Variants in RAD50 observed in about 807,000 individuals in gnomAD.
RAD50 encodes RAD50 double strand break repair protein.
In RAD50, 132 loss-of-function variants were observed where a neutral mutation model predicts 168.8. The observed-to-expected ratio is 0.78, with a 90% CI of 0.68 to 0.90. RAD50 has a LOEUF of 0.90. Ranked by LOEUF, RAD50 falls within the 40% of genes least tolerant of loss-of-function variation. The probability of loss-of-function intolerance (pLI) is 0.00; values close to 1 mark genes in which losing one functional copy is unlikely to be tolerated. For synonymous variants in RAD50, 525 were observed against 497.4 expected, an observed-to-expected ratio of 1.06 and a Z score of -0.74; for missense variants, 1,347 against 1,534.4, an observed-to-expected ratio of 0.88 and a Z score of 2.04.
At position 132,592,012 on chromosome 5, in the gene RAD50, AG is replaced by A. The variant is rs757261714; in HGVS notation, c.1774del (p.Asp592ThrfsTer6). Reference sequence around the variant, plus strand: ...TAAATCAAAAGAAATTAATCAGACCAGGGACAGACTTGCCAAATTGAAGTAA... The same window carrying A: ...TAAATCAAAAGAAATTAATCAGACCAGGACAGACTTGCCAAATTGAAGTAA... ...HSKSKEINQTRDRLAKLNKEL... is the reference protein window; with the variant it reads ...HSKSKEINQTXDRLAKLNKEL... On this transcript the variant is annotated frameshift_variant, in exon 11 of 25. Coordinates refer to ENST00000378823, the MANE Select transcript of RAD50 (RefSeq NM_005732.4). LOFTEE classifies it high-confidence loss of function. 1 of 1,613,052 alleles carries A rather than the reference AG, an allele frequency of 6.2e-7. No homozygotes were observed. The highest frequency in any genetic ancestry group is 1.3e-5 in the African/African-American group (1 of 74,900).
chr5:132,629,149 T>C (rs890543747), intron 21 of RAD50, among the ~76,000 whole-genome samples: 1 of 152,134 alleles, frequency 6.6e-6, no homozygotes, highest in African/African-American at 2.4e-5. Flanking sequence ...GCAGCAGGAA[T>C]AAGAATTCCC....
intron 13 of RAD50, among the ~76,000 whole-genome samples, chr5:132,602,260 T>A (rs1333564790): frequency 6.6e-6 from 1 of 152,218 alleles, no homozygotes; most frequent in Non-Finnish European, 1.5e-5. Context: ...TGGTTATTCT[T>A]TAAGTTTATA....
intron 2 of RAD50, among the ~76,000 whole-genome samples, chr5:132,574,809 G>T (rs772819030): frequency 1.3e-5 from 2 of 152,136 alleles, no homozygotes; most frequent in Non-Finnish European, 2.9e-5. Flanking sequence ...TAGGGCAGGG[G>T]CAAAATGCTG....
At chr5:132,603,022 T>G (rs1750915152) in intron 13 of RAD50, among the ~76,000 whole-genome samples, 1 of 152,218 alleles carries the variant, frequency 6.6e-6, no homozygotes, top group African/African-American at 2.4e-5. Context: ...GATATTTACA[T>G]AGTCTCAACA....
chr5:132,589,501 A>G, intron 8 of RAD50, 130 bp from the exon 9 acceptor site: 1 of 689,492 alleles, frequency 1.5e-6, no homozygotes, highest in Non-Finnish European at 2.4e-6. Context: ...TTCTTGGAAT[A>G]TATCCCTGCT....
intron 3 of RAD50, 63 bp from the exon 4 acceptor site, chr5:132,579,254 A>G: frequency 6.6e-7 from 1 of 1,509,754 alleles, no homozygotes. Flanking sequence ...TGAATTGATT[A>G]AGCAATAGAA....
chr5:132,621,939 C>T (rs1429599107), intron 21 of RAD50, among the ~76,000 whole-genome samples: 1 of 151,984 alleles, frequency 6.6e-6, no homozygotes, highest in Non-Finnish European at 1.5e-5. Flanking sequence ...ATTATTCTTT[C>T]TCCATTTCTC....
intron 13 of RAD50, among the ~76,000 whole-genome samples, chr5:132,597,471 T>A (rs1750811478): frequency 1.3e-5 from 2 of 152,132 alleles, no homozygotes; most frequent in South Asian, 4.1e-4. Flanking sequence ...TCGCTCACTC[T>A]CCCCCACTCC....
At position 132,646,205 on chromosome 5, in the gene RAD50, C is replaced by G. The variant is rs538031035; in HGVS notation, c.*3841C>G. On this transcript the variant is annotated 3_prime_UTR_variant, in exon 25 of 25. Transcript: ENST00000378823. ...CACTGACCACTCCTACAACCACCAT[C>G]TATACACTGATAACTCATAAATGTT... 3 of 151,562 alleles carry G rather than the reference C, an allele frequency of 2.0e-5. No homozygotes were observed. Among genetic ancestry groups the G allele is most frequent in the African/African-American group, 7.3e-5 (3 of 41,372 alleles). The allele number at this position is 151,562 out of a possible 1,614,324, so 9.4% of individuals were successfully genotyped here.
chr5:132,626,062 G>A (rs187700399), intron 21 of RAD50, among the ~76,000 whole-genome samples: 23 of 152,090 alleles, frequency 1.5e-4, no homozygotes, highest in Admixed American at 1.1e-3. Context: ...TAGAAACAGG[G>A]TTTTGCCATG....
intron 21 of RAD50, among the ~76,000 whole-genome samples, chr5:132,635,487 C>A (rs1423276626): frequency 6.6e-6 from 1 of 152,198 alleles, no homozygotes; most frequent in Non-Finnish European, 1.5e-5. Flanking sequence ...CCATCCGACA[C>A]ACTCTTTGGT....
chr5:132,570,950 G>C (rs529288638), intron 2 of RAD50, among the ~76,000 whole-genome samples: 1 of 152,074 alleles, frequency 6.6e-6, no homozygotes, highest in African/African-American at 2.4e-5. Flanking sequence ...ACACTTAGGG[G>C]CTGTTGTAGG....
At chr5:132,566,657 C>T (rs1447940576) in intron 2 of RAD50, among the ~76,000 whole-genome samples, 2 of 152,236 alleles carry the variant, frequency 1.3e-5, no homozygotes, top group Non-Finnish European at 2.9e-5. Context: ...AATAATTCTT[C>T]TAAAATGCAT....
chr5:132,619,783 C>CCTCT lies in RAD50; in HGVS notation c.3389+1514_3389+1517dup, dbSNP rs550575815. On this transcript the variant is annotated intron_variant, in intron 21 of 24. Coordinates refer to ENST00000378823, the MANE Select transcript of RAD50 (RefSeq NM_005732.4). ...TCTTGTTAAGAAATCCTTCCCTACT[C>CCTCT]CTCTCTCTCTCTCTCTCTCTCTCTC... 5.3e-3 allele frequency among the ~76,000 whole-genome samples: 663 copies of CCTCT among 125,714 alleles called. 7 individuals carry two copies. Among genetic ancestry groups the CCTCT allele is most frequent in the African/African-American group, 0.012 (330 of 28,468 alleles). The allele number at this position is 125,714 out of a possible 152,430, so 82.5% of individuals were successfully genotyped here.
At chr5:132,632,283 C>T (rs1331414333) in intron 21 of RAD50, among the ~76,000 whole-genome samples, 1 of 152,222 alleles carries the variant, frequency 6.6e-6, no homozygotes, top group Non-Finnish European at 1.5e-5. Context: ...CCCCACGCTC[C>T]ATAACTGCAA....
At chr5:132,566,815 A>G (rs1048489465) in intron 2 of RAD50, among the ~76,000 whole-genome samples, 12 of 152,192 alleles carry the variant, frequency 7.9e-5, no homozygotes, top group Non-Finnish European at 1.5e-4. Context: ...AAACATTCTG[A>G]AATTTCTGTA....
At chr5:132,595,275 T>C (rs1160165351) in intron 12 of RAD50, 1 of 584,748 alleles carries the variant, frequency 1.7e-6, no homozygotes, top group Admixed American at 3.1e-5. Context: ...GGTACTGAGG[T>C]GTGAATGAGA....
chr5:132,640,635 T>C (rs769179754), intron 23 of RAD50, 37 bp from the exon 24 acceptor site: 41 of 1,613,868 alleles, frequency 2.5e-5, no homozygotes, highest in Non-Finnish European at 3.3e-5. Flanking sequence ...GATGAGAAGG[T>C]CTGTGCTGGG....
intron 11 of RAD50, among the ~76,000 whole-genome samples, chr5:132,592,438 G>A (rs1750720189): frequency 1.3e-5 from 2 of 152,160 alleles, no homozygotes; most frequent in African/African-American, 4.8e-5. Flanking sequence ...TAAGGTGGAT[G>A]CCTAATGATT....
Sources: gnomAD v4.1 joint callset for allele counts (sites outside exome capture counted in the v4.1 genomes callset) on GRCh38, gnomAD v4.1.1 for gene constraint, MANE v1.5 for transcripts, NCBI Gene and HGNC (gene_info 2026-07-23, HGNC 2026-07-21) for gene names.